ZFHX3: variants seen among roughly 807,000 people sequenced by gnomAD.
ZFHX3 encodes zinc finger homeobox protein 3.
In ZFHX3, 42 loss-of-function variants were observed where a neutral mutation model predicts 279.1. The observed-to-expected ratio is 0.15, with a 90% confidence interval of 0.12 to 0.19. The LOEUF is 0.19. ZFHX3 is among the 10% of genes least tolerant of loss of function. The pLI, the probability that ZFHX3 is intolerant of heterozygous loss-of-function variation, is 1.00. For missense variants in ZFHX3, 4,981 were observed against 4,754.0 expected (o/e 1.05, Z -1.40); for synonymous variants, 2,293 against 1,957.8 (o/e 1.17, Z -4.52).
chr16:73,667,509 A>C (rs1029547942), intron 2 of ZFHX3, among the ~76,000 whole-genome samples: 18 of 152,216 alleles, frequency 1.2e-4, no homozygotes, highest in African/African-American at 4.1e-4. Flanking sequence ...GTTTTTCCAA[A>C]GTGGTTGTAC....
At chr16:73,725,058 T>C (rs1184320864) in intron 1 of ZFHX3, among the ~76,000 whole-genome samples, 2 of 152,222 alleles carry the variant, frequency 1.3e-5, no homozygotes, top group Admixed American at 1.3e-4. Flanking sequence ...TCCTATAAAC[T>C]GGCTCCTTCC....
At chr16:73,870,415 C>G (rs368373850) in intron 1 of ZFHX3, among the ~76,000 whole-genome samples, 2 of 152,062 alleles carry the variant, frequency 1.3e-5, no homozygotes, top group African/African-American at 4.8e-5. Context: ...GGAGGAGAGA[C>G]AAGACTCAAG....
At chr16:73,215,475 A>G (rs1349931540) in intron 5 of ZFHX3, among the ~76,000 whole-genome samples, 18 of 152,236 alleles carry the variant, frequency 1.2e-4, no homozygotes, top group Non-Finnish European at 2.6e-4. Flanking sequence ...GGGAGTTCCT[A>G]AATGTTTCAA....
Position 73,621,310 on chromosome 16 carries a change from T to A in ZFHX3, c.-1547+58870A>T, listed in dbSNP as rs564550031. ...TAGGTCTCGATAAAATGCTGTTGGA[T>A]AAAGCAAATATTTCATTAACAATCT... On this transcript the variant is annotated intron_variant, in intron 2 of 17. Coordinates refer to the ZFHX3 transcript ENST00000641206. Among the ~76,000 whole-genome samples, 10 of 152,316 alleles carry A rather than the reference T, an allele frequency of 6.6e-5. No homozygotes were observed. In the East Asian group the frequency reaches 1.9e-3, roughly 29 times the overall value.
intron 2 of ZFHX3, among the ~76,000 whole-genome samples, chr16:73,578,059 A>G (rs2051819050): frequency 6.6e-6 from 1 of 152,240 alleles, no homozygotes; most frequent in South Asian, 2.1e-4. Flanking sequence ...AACCAAATGG[A>G]TGTGTGGCTC....
At chr16:72,910,671 T>G (rs1262566802) in intron 3 of ZFHX3, among the ~76,000 whole-genome samples, 2 of 152,202 alleles carry the variant, frequency 1.3e-5, no homozygotes, top group Non-Finnish European at 2.9e-5. Flanking sequence ...TGGCAGTGGC[T>G]GAGAAGCCTG....
intron 2 of ZFHX3, among the ~76,000 whole-genome samples, chr16:73,586,592 AT>A (rs1326394271): frequency 6.6e-6 from 1 of 152,202 alleles, no homozygotes; most frequent in African/African-American, 2.4e-5. Flanking sequence ...TTTGAAAAAA[AT>A]AAAATGTACT....
chr16:73,662,001 G>A (rs555676656), intron 2 of ZFHX3, among the ~76,000 whole-genome samples: 1 of 103,868 alleles, frequency 9.6e-6, no homozygotes, highest in South Asian at 4.2e-4. Flanking sequence ...AGACACAACG[G>A]ACCAATTTTT....
intron 4 of ZFHX3, among the ~76,000 whole-genome samples, chr16:72,863,543 G>A (rs2037939477): frequency 6.6e-6 from 1 of 151,754 alleles, no homozygotes; most frequent in South Asian, 2.1e-4. Flanking sequence ...CAGACAGAGA[G>A]AGAGAGAGAG....
chr16:73,108,473 G>A (rs917231865), intron 7 of ZFHX3, among the ~76,000 whole-genome samples: 6 of 151,704 alleles, frequency 4.0e-5, no homozygotes, highest in Non-Finnish European at 5.9e-5. Context: ...GTGGGATCAC[G>A]GCTCACTGCA....
At chr16:73,326,047 G>A (rs1275773873) in intron 3 of ZFHX3, among the ~76,000 whole-genome samples, 1 of 152,138 alleles carries the variant, frequency 6.6e-6, no homozygotes, top group African/African-American at 2.4e-5. Context: ...AGTCATGGAA[G>A]TATCATGGAG....
At chr16:73,551,242 G>A (rs763061688) in intron 2 of ZFHX3, among the ~76,000 whole-genome samples, 3 of 152,040 alleles carry the variant, frequency 2.0e-5, no homozygotes, top group African/African-American at 4.8e-5. Flanking sequence ...GGGAAAATGC[G>A]AGGGGGTTTT....
chr16:72,958,409 G>A lies in ZFHX3; in HGVS notation c.1737C>T (p.Ala579=), dbSNP rs1210872374. The A allele has an allele frequency of 2.5e-6, 4 of 1,614,066 alleles. No individual in the cohort carries two copies. Among genetic ancestry groups the A allele is most frequent in the African/African-American group, 1.3e-5 (1 of 74,900 alleles). The part of the protein sequence containing the change: ...RLSFNSEGVR[A]NVAEGGRRLD... ...GCCTCCTGCCGCCCTCTGCCACATT[G>A]GCCCTGACGCCCTCACTGTTAAAGC... The change falls in exon 2 of 10, where the codon GCC becomes GCT. Residue 579 remains alanine, a synonymous_variant. Coordinates refer to ENST00000268489, the MANE Select transcript of ZFHX3 (RefSeq NM_006885.4).
chr16:73,378,228 C>T (rs1447458022), intron 3 of ZFHX3, among the ~76,000 whole-genome samples: 1 of 152,046 alleles, frequency 6.6e-6, no homozygotes, highest in African/African-American at 2.4e-5. Context: ...CGTGCTTCCT[C>T]TGACAACTTG....
chr16:72,864,141 G>C (rs1333732549), intron 4 of ZFHX3, among the ~76,000 whole-genome samples: 2 of 151,892 alleles, frequency 1.3e-5, no homozygotes, highest in African/African-American at 4.8e-5. Context: ...TTCCTTCCCT[G>C]ACTATCCCTC....
At chr16:73,671,876 C>G (rs1394654223) in intron 2 of ZFHX3, among the ~76,000 whole-genome samples, 1 of 152,050 alleles carries the variant, frequency 6.6e-6, no homozygotes, top group Non-Finnish European at 1.5e-5. Context: ...ATACATTAAC[C>G]TATATACATC....
At chr16:73,657,401 C>T (rs1413022448) in intron 2 of ZFHX3, among the ~76,000 whole-genome samples, 3 of 152,136 alleles carry the variant, frequency 2.0e-5, no homozygotes, top group Admixed American at 6.5e-5. Flanking sequence ...GAGGTTGCAG[C>T]GAGCCAAGAT....
intron 9 of ZFHX3, among the ~76,000 whole-genome samples, chr16:72,792,149 G>A (rs552875728): frequency 1.3e-5 from 2 of 152,246 alleles, no homozygotes; most frequent in African/African-American, 4.8e-5. Flanking sequence ...GACAGAGAAG[G>A]AGAAACAAGA....
chr16:73,886,670 C>A (rs2030356267), intron 1 of ZFHX3, among the ~76,000 whole-genome samples: 1 of 152,122 alleles, frequency 6.6e-6, no homozygotes. Flanking sequence ...TTTTTCGCCT[C>A]ACAACAGCGT....
Sources: allele counts gnomAD v4.1 joint callset (sites outside exome capture counted in the v4.1 genomes callset), GRCh38; gene constraint gnomAD v4.1.1; transcripts MANE v1.5; gene names NCBI Gene and HGNC (gene_info 2026-07-23, HGNC 2026-07-21).